Variants in ITGA7 observed in about 807,000 individuals in gnomAD.
The protein encoded by ITGA7 is integrin subunit alpha 7.
Under a neutral mutation model 131.6 loss-of-function variants are expected in ITGA7, and 84 were observed. The ratio of observed to expected loss-of-function variants is 0.64; its 90% CI spans 0.54 to 0.77. The LOEUF (loss-of-function observed/expected upper bound fraction) is 0.77, where lower values mean the gene tolerates loss of function less well. ITGA7 is among the 30% of genes least tolerant of loss of function. The pLI, the probability that ITGA7 is intolerant of heterozygous loss-of-function variation, is 0.00. For synonymous variants in ITGA7, 548 were observed against 600.7 expected, an observed-to-expected ratio of 0.91 and a Z score of 1.28; for missense variants, 1,399 against 1,482.9, an observed-to-expected ratio of 0.94 and a Z score of 0.93.
At chr12:55,715,909 C>T (rs184970155), upstream of ITGA7, 7 of 1,055,484 alleles carry the variant, frequency 6.6e-6, no homozygotes, top group Admixed American at 2.2e-4. Context: ...ATACTTCTTC[C>T]AACACTCACC....
intron 1 of ITGA7, among the ~76,000 whole-genome samples, chr12:55,705,696 T>C (rs1031468599): frequency 6.6e-6 from 1 of 152,264 alleles, no homozygotes; most frequent in Admixed American, 6.5e-5. Context: ...CTGCGGGCTA[T>C]GCACTATTCT....
intron 21 of ITGA7, 98 bp from the exon 22 acceptor site, chr12:55,689,055 C>A: frequency 1.1e-6 from 1 of 870,954 alleles, no homozygotes; most frequent in Non-Finnish European, 1.9e-6. Flanking sequence ...AACTCCCCTC[C>A]TCCAGGAAGT....
At chr12:55,689,853 G>A (rs550449626) in intron 21 of ITGA7, among the ~76,000 whole-genome samples, 2 of 152,170 alleles carry the variant, frequency 1.3e-5, no homozygotes, top group African/African-American at 2.4e-5. Flanking sequence ...ACAAACCTGA[G>A]AAAAACAACC....
chr12:55,695,309 A>G, intron 14 of ITGA7: 1 of 603,614 alleles, frequency 1.7e-6, no homozygotes, highest in Non-Finnish European at 3.0e-6. Flanking sequence ...TTATTAGTGT[A>G]CTGTGAAGGA....
In ITGA7 at chr12:55,696,884, G is replaced by A. The variant is rs1872729515; in HGVS notation, c.1737+15C>T. 1.2e-6 allele frequency: 2 copies of A among 1,613,792 alleles called. No homozygotes were observed. The highest frequency in any genetic ancestry group is 1.7e-6 in the Non-Finnish European group (2 of 1,179,796). On this transcript the variant is annotated intron_variant, in intron 12 of 24. Transcript: ENST00000257879. ...CATGAAAATGACCCTCAGAAGCCAA[G>A]GGGTCAGTGTCCACCTGGAGCTGGA...
upstream of ITGA7, chr12:55,712,254 T>C: frequency 1.3e-6 from 2 of 1,551,350 alleles, no homozygotes; most frequent in African/African-American, 2.7e-5. Context: ...GGAGGTCACT[T>C]ACCAAAGGGA....
In ITGA7 at chr12:55,698,285, C is replaced by A. The variant is rs1461045859; in HGVS notation, c.1192+98G>T. On this transcript the variant is annotated intron_variant, in intron 7 of 24. Transcript: ENST00000257879. The stretch of plus-strand genomic sequence containing the variant: ...AGACATAAGCTCAGGGACCCTCTCT[C>A]CCTGAGTCCTCAGAAGACCACACCC... The A allele has an allele frequency of 4.3e-6, 5 of 1,162,224 alleles. No homozygotes were observed. In the African/African-American group the frequency reaches 6.2e-5, roughly 14 times the overall value. The allele number at this position is 1,162,224 out of a possible 1,614,324, so 72.0% of individuals were successfully genotyped here.
At position 55,694,533 on chromosome 12, in the gene ITGA7, G is replaced by A. The variant is rs1290267356; in HGVS notation, c.2278-11C>T. Reference sequence around the variant, plus strand: ...GAGGTAGAAGGTGACCTAGGCCAAGGGTGGAAAGAGATTAGAGTCAGGGGT... The same window carrying A: ...GAGGTAGAAGGTGACCTAGGCCAAGAGTGGAAAGAGATTAGAGTCAGGGGT... On this transcript the variant is annotated splice_polypyrimidine_tract_variant and intron_variant, in intron 16 of 24. Coordinates refer to ENST00000257879, the MANE Select transcript of ITGA7 (RefSeq NM_002206.3). The surrounding 1 kb of genome is among the most constrained non-coding windows in gnomAD (Gnocchi z 5.3). 1.2e-6 allele frequency: 2 copies of A among 1,614,056 alleles called. No homozygotes were observed. Among genetic ancestry groups the A allele is most frequent in the South Asian group, 1.1e-5 (1 of 91,086 alleles).
At chr12:55,704,482 G>A (rs1465776438) in intron 1 of ITGA7, among the ~76,000 whole-genome samples, 5 of 152,304 alleles carry the variant, frequency 3.3e-5, no homozygotes, top group South Asian at 2.1e-4. Flanking sequence ...TGTGTCAGGC[G>A]CTGGTGAGAC....
intron 14 of ITGA7, 48 bp from the exon 15 acceptor site, chr12:55,695,018 A>C (rs1872329380): frequency 1.9e-6 from 3 of 1,566,384 alleles, no homozygotes; most frequent in South Asian, 2.2e-5. Context: ...ACCTCCCCCT[A>C]CCATTCCCCC....
At position 55,692,992 on chromosome 12, in the gene ITGA7, G is replaced by C. The variant is rs1490322107; in HGVS notation, c.2713-17C>G. On this transcript the variant is annotated splice_polypyrimidine_tract_variant and intron_variant, in intron 20 of 24. Coordinates refer to ENST00000257879, the MANE Select transcript of ITGA7 (RefSeq NM_002206.3). ...GTCCACATCCTGGACACGGAAGGGGGGTCTTAGTGAGTGTCCCTCCAATCA... is the reference window on the plus strand; with the variant it reads ...GTCCACATCCTGGACACGGAAGGGGCGTCTTAGTGAGTGTCCCTCCAATCA... 1 of 1,613,756 alleles carries C rather than the reference G, an allele frequency of 6.2e-7. No individual in the cohort carries two copies. The highest frequency in any genetic ancestry group is 8.5e-7 in the Non-Finnish European group (1 of 1,180,028).
chr12:55,702,762 C>T, intron 3 of ITGA7, 110 bp downstream of exon 3: 1 of 892,900 alleles, frequency 1.1e-6, no homozygotes, highest in Non-Finnish European at 1.8e-6. Context: ...TGGAATCATA[C>T]CATATTCCTA....
At chr12:55,712,004 C>A, upstream of ITGA7, 2 of 1,377,286 alleles carry the variant, frequency 1.5e-6, no homozygotes, top group Admixed American at 2.0e-5. Flanking sequence ...GCTTATGTCC[C>A]AAGGTCAGGC....
chr12:55,712,045 C>T (rs1479899911), upstream of ITGA7: 3 of 1,547,700 alleles, frequency 1.9e-6, no homozygotes, highest in East Asian at 7.3e-5. Flanking sequence ...ACCATGAGAA[C>T]TTTTTTACTT....
Position 55,685,051 on chromosome 12 carries a change from T to C in ITGA7, c.*7A>G, listed in dbSNP as rs1367333207. 6.4e-7 allele frequency: 1 copy of C among 1,569,940 alleles called. No individual in the cohort carries two copies. The highest frequency in any genetic ancestry group is 8.6e-7 in the Non-Finnish European group (1 of 1,161,242). On this transcript the variant is annotated 3_prime_UTR_variant, in exon 25 of 25. Transcript: ENST00000257879. ...GGCAGCCACAGGCCAGGCTGGGACA[T>C]GGGAACCTAGGCGGTGCCTGGCCCT...
rs201174804 is a variant in ITGA7, at chr12:55,698,591, A to G, written c.999-15T>C. 76 of 1,614,054 alleles carry G rather than the reference A, an allele frequency of 4.7e-5. No individual in the cohort carries two copies. The African/African-American group carries it at 9.5e-4, about 20-fold the overall frequency. On this transcript the variant is annotated splice_polypyrimidine_tract_variant and intron_variant, in intron 6 of 24. Coordinates refer to ENST00000257879, the MANE Select transcript of ITGA7 (RefSeq NM_002206.3). ...GGTCTGGCCAGCTATGGAGAGAGGG[A>G]AACATTCAGTGTGGGTCCTCCCTGG...
At chr12:55,715,699 A>AGGGAAGGAACT (rs1326310819), upstream of ITGA7, among the ~76,000 whole-genome samples, 1 of 152,090 alleles carries the variant, frequency 6.6e-6, no homozygotes, top group Non-Finnish European at 1.5e-5. Context: ...CCTCTCCTTG[A>AGGGAAGGAACT]GGGAAGGAAC....
Position 55,688,102 on chromosome 12 carries a change from G to A in ITGA7, c.3058-6C>T, listed in dbSNP as rs201070308. 660 of 1,614,186 alleles carry A rather than the reference G, an allele frequency of 4.1e-4. 2 individuals carry two copies. The African/African-American group carries it at 7.8e-3, about 19-fold the overall frequency. On this transcript the variant is annotated splice_polypyrimidine_tract_variant and splice_region_variant and intron_variant, in intron 23 of 24. Coordinates refer to ENST00000257879, the MANE Select transcript of ITGA7 (RefSeq NM_002206.3). ...AAGTATACCATCACTGGGATCTGGG[G>A]AGCAAGGGGTCAATGGAGCAAGAGG...
chr12:55,690,268 T>C (rs1157818449), intron 21 of ITGA7, among the ~76,000 whole-genome samples: 2 of 151,986 alleles, frequency 1.3e-5, no homozygotes, highest in Non-Finnish European at 2.9e-5. Flanking sequence ...CTCAAACAAA[T>C]TTACAAGAAC....
Sources: gnomAD v4.1 joint callset for allele counts (sites outside exome capture counted in the v4.1 genomes callset) on GRCh38, gnomAD v4.1.1 for gene constraint, Gnocchi (gnomAD v3.1) non-coding constraint, MANE v1.5 for transcripts, NCBI Gene and HGNC (gene_info 2026-07-23, HGNC 2026-07-21) for gene names.